Variants in PLA2R1 observed in about 807,000 individuals in gnomAD.
PLA2R1 encodes the protein secretory phospholipase A2 receptor.
Under a neutral mutation model 195.9 loss-of-function variants are expected in PLA2R1, and 158 were observed. The observed-to-expected ratio is 0.81, with a 90% CI of 0.71 to 0.92. The LOEUF (loss-of-function observed/expected upper bound fraction) is 0.92, where lower values mean the gene tolerates loss of function less well. Ranked by LOEUF, PLA2R1 falls within the 40% of genes least tolerant of loss-of-function variation. PLA2R1 has a pLI of 0.00. For missense variants in PLA2R1, 1,626 were observed against 1,764.6 expected (o/e 0.92, Z 1.41); for synonymous variants, 586 against 598.2 (o/e 0.98, Z 0.30).
chr2:159,946,257 A>G (rs1687383309), intron 27 of PLA2R1: 2 of 984,796 alleles, frequency 2.0e-6, no homozygotes, highest in Non-Finnish European at 2.4e-6. Flanking sequence ...CTCACCCCCA[A>G]CCTTGGTACA....
chr2:159,971,531 C>T (rs1574702623), intron 17 of PLA2R1, among the ~76,000 whole-genome samples: 1 of 151,972 alleles, frequency 6.6e-6, no homozygotes, highest in South Asian at 2.1e-4. Flanking sequence ...GACTTATGAC[C>T]CAGGAAATTG....
chr2:159,938,403 T>C lies in PLA2R1; in HGVS notation c.*3375A>G, dbSNP rs1424254620. 6.6e-6 allele frequency: 1 copy of C among 152,276 alleles called. No individual in the cohort carries two copies. 9.4% of individuals were successfully genotyped at this position (152,276 alleles called of 1,614,324 possible). On this transcript the variant is annotated 3_prime_UTR_variant, in exon 30 of 30. Coordinates refer to ENST00000283243, the MANE Select transcript of PLA2R1 (RefSeq NM_007366.5). ...TTAATCCACCAAGACTGTGGGATTGTTTGCTATGGCATTTCGCCTTTCTGG... is the reference window on the plus strand; with the variant it reads ...TTAATCCACCAAGACTGTGGGATTGCTTGCTATGGCATTTCGCCTTTCTGG...
At chr2:159,948,977 T>C (rs1295840950) in intron 25 of PLA2R1, among the ~76,000 whole-genome samples, 1 of 152,188 alleles carries the variant, frequency 6.6e-6, no homozygotes. Flanking sequence ...TCATTTTTAA[T>C]AAAGGGGTTA....
chr2:160,032,171 T>C (rs1048483306), intron 4 of PLA2R1, among the ~76,000 whole-genome samples: 5 of 152,256 alleles, frequency 3.3e-5, no homozygotes, highest in African/African-American at 1.2e-4. Flanking sequence ...ATTACAGAAC[T>C]ATGGGAACCT....
chr2:160,014,541 T>A (rs1004552103), intron 9 of PLA2R1, among the ~76,000 whole-genome samples: 1 of 152,234 alleles, frequency 6.6e-6, no homozygotes, highest in Non-Finnish European at 1.5e-5. Context: ...ACATCATTTT[T>A]ATCTATTTTA....
At chr2:159,976,023 AG>A in intron 17 of PLA2R1, 44 bp downstream of exon 17, 1 of 1,458,910 alleles carries the variant, frequency 6.9e-7, no homozygotes, top group Non-Finnish European at 9.5e-7. Flanking sequence ...GGGCAAAAGA[AG>A]GTGCTAAACT....
rs1197751403 is a variant in PLA2R1 at position 159,944,993 on chromosome 2, GA to G, written c.4056del (p.His1353IlefsTer5). Reference sequence around the variant, plus strand: ...TCAGGGATCCTCAAGGCAACACAATGATGGGGCTTGAAGTAGTCTGTGTCTG... The same window carrying G: ...TCAGGGATCCTCAAGGCAACACAATGTGGGGCTTGAAGTAGTCTGTGTCTG... Reference protein sequence around the residue: ...RKPDTDYFKPHHCVALRIPEG... With the variant: ...RKPDTDYFKPXHCVALRIPEG... On this transcript the variant is annotated frameshift_variant, in exon 28 of 30. Transcript: ENST00000283243. LOFTEE classifies it high-confidence loss of function. 1 of 1,613,622 alleles carries G rather than the reference GA, an allele frequency of 6.2e-7. No homozygotes were observed. Among genetic ancestry groups the G allele is most frequent in the South Asian group, 1.1e-5 (1 of 91,060 alleles).
intron 20 of PLA2R1, among the ~76,000 whole-genome samples, chr2:159,967,138 C>T (rs943862913): frequency 6.6e-6 from 1 of 152,062 alleles, no homozygotes; most frequent in Admixed American, 6.6e-5. Context: ...GGGAGCAGAA[C>T]CTAGACACAC....
At chr2:159,995,371 T>C (rs1437859306) in intron 11 of PLA2R1, among the ~76,000 whole-genome samples, 2 of 152,096 alleles carry the variant, frequency 1.3e-5, no homozygotes, top group South Asian at 2.1e-4. Context: ...GGAACTCTGC[T>C]TCAATTCCAG....
chr2:160,009,386 T>C (rs1283281071), intron 10 of PLA2R1, among the ~76,000 whole-genome samples: 1 of 152,086 alleles, frequency 6.6e-6, no homozygotes, highest in African/African-American at 2.4e-5. Context: ...AAACAGAATT[T>C]CCAGAAACGA....
In PLA2R1 at chr2:159,955,055, C is replaced by A. The variant is rs1687994531; in HGVS notation, c.3301+144G>T. 6.5e-6 allele frequency: 4 copies of A among 614,902 alleles called. No individual in the cohort carries two copies. The East Asian group carries it at 8.7e-5, about 13-fold the overall frequency. The allele number at this position is 614,902 out of a possible 1,614,324, so 38.1% of individuals were successfully genotyped here. On this transcript the variant is annotated intron_variant, in intron 23 of 29. Coordinates refer to ENST00000283243, the MANE Select transcript of PLA2R1 (RefSeq NM_007366.5). The stretch of plus-strand genomic sequence containing the variant: ...GGGTAGAGGAGATTAAATAACTAAA[C>A]TTATGTAAAGCCAAAGAAGAAGTGC...
At chr2:159,979,015 G>A (rs1447656536) in intron 14 of PLA2R1, among the ~76,000 whole-genome samples, 2 of 152,294 alleles carry the variant, frequency 1.3e-5, no homozygotes, top group East Asian at 3.9e-4. Context: ...TTATTGTAAG[G>A]ATGAAATGAG....
At chr2:159,968,510 G>A (rs920211859) in intron 19 of PLA2R1, among the ~76,000 whole-genome samples, 1 of 152,166 alleles carries the variant, frequency 6.6e-6, no homozygotes, top group Non-Finnish European at 1.5e-5. Flanking sequence ...GGTAAAAGCA[G>A]GCTGATTAAC....
chr2:160,021,377 A>G (rs1693103849), intron 7 of PLA2R1, among the ~76,000 whole-genome samples: 1 of 152,234 alleles, frequency 6.6e-6, no homozygotes, highest in Non-Finnish European at 1.5e-5. Context: ...TCATGTAAGT[A>G]TCCATCAGAG....
chr2:160,018,332 C>T (rs1057177267), intron 8 of PLA2R1, among the ~76,000 whole-genome samples: 2 of 152,138 alleles, frequency 1.3e-5, no homozygotes, highest in Non-Finnish European at 2.9e-5. Flanking sequence ...ACCAATAAAT[C>T]AGCAGATACT....
chr2:159,993,126 A>G (rs1332351067), intron 11 of PLA2R1, among the ~76,000 whole-genome samples: 1 of 152,136 alleles, frequency 6.6e-6, no homozygotes, highest in Non-Finnish European at 1.5e-5. Flanking sequence ...ATCTAGGGGT[A>G]CAAAGTACAT....
At chr2:159,982,209 T>G (rs1369113795) in intron 13 of PLA2R1, among the ~76,000 whole-genome samples, 1 of 152,232 alleles carries the variant, frequency 6.6e-6, no homozygotes. Context: ...AATGTAACTT[T>G]GAACAATGGA....
intron 11 of PLA2R1, among the ~76,000 whole-genome samples, chr2:160,005,269 T>G (rs1056380035): frequency 2.0e-5 from 3 of 152,016 alleles, no homozygotes; most frequent in Non-Finnish European, 4.4e-5. Context: ...AGTCTGTCTC[T>G]ACAGAAAATA....
Position 159,935,997 on chromosome 2 carries a change from G to T in PLA2R1, c.*5781C>A, listed in dbSNP as rs1164687651. On this transcript the variant is annotated 3_prime_UTR_variant, in exon 30 of 30. Transcript: ENST00000283243. The stretch of plus-strand genomic sequence containing the variant: ...GAGAGAGTCTCGCTCTGTCGCCCAG[G>T]CTGGAGTGCAGTGGCGCCATCTCGG... The T allele has an allele frequency of 1.5e-5, 2 of 133,548 alleles. No homozygotes were observed. The highest frequency in any genetic ancestry group is 3.2e-5 in the Non-Finnish European group (2 of 63,262). The allele number at this position is 133,548 out of a possible 1,614,324, so 8.3% of individuals were successfully genotyped here.
Sources: allele counts gnomAD v4.1 joint callset (sites outside exome capture counted in the v4.1 genomes callset), GRCh38; gene constraint gnomAD v4.1.1; transcripts MANE v1.5; gene names NCBI Gene and HGNC (gene_info 2026-07-23, HGNC 2026-07-21).